Variants in NRXN1 observed in about 807,000 individuals in gnomAD.
The protein encoded by NRXN1 is neurexin 1, also known as neurexin-1.
In NRXN1, 39 loss-of-function variants were observed where a neutral mutation model predicts 150.9. The observed-to-expected ratio is 0.26, with a 90% CI of 0.20 to 0.34. The LOEUF is 0.34. Ranked by LOEUF, NRXN1 falls within the 10% of genes least tolerant of loss-of-function variation. The probability of loss-of-function intolerance (pLI) is 1.00; values close to 1 mark genes in which losing one functional copy is unlikely to be tolerated. For synonymous variants in NRXN1, 924 were observed against 757.0 expected (o/e 1.22, Z -3.62); for missense variants, 1,815 against 1,949.9 (o/e 0.93, Z 1.30).
intron 5 of NRXN1, among the ~76,000 whole-genome samples, chr2:50,799,171 G>A (rs1421619768): frequency 1.3e-5 from 2 of 152,066 alleles, no homozygotes; most frequent in African/African-American, 4.8e-5. Context: ...TATATGCCGT[G>A]GGATGATACT....
chr2:50,453,229 G>T (rs1209399760), intron 17 of NRXN1, among the ~76,000 whole-genome samples: 1 of 141,626 alleles, frequency 7.1e-6, no homozygotes, highest in Non-Finnish European at 1.6e-5. Context: ...TCATATGGAG[G>T]CTCCTAAAAC....
intron 17 of NRXN1, among the ~76,000 whole-genome samples, chr2:50,318,485 C>A (rs901108043): frequency 4.6e-5 from 7 of 152,030 alleles, no homozygotes; most frequent in African/African-American, 1.7e-4. Context: ...TCACATGAAA[C>A]AGGGTTCAAG....
intron 2 of NRXN1, among the ~76,000 whole-genome samples, chr2:50,979,695 T>G (rs1696482264): frequency 6.6e-6 from 1 of 152,200 alleles, no homozygotes; most frequent in Non-Finnish European, 1.5e-5. Flanking sequence ...TAAAACCCCA[T>G]GGATTCTCAC....
intron 2 of NRXN1, among the ~76,000 whole-genome samples, chr2:50,992,396 T>A (rs894078634): frequency 6.6e-6 from 1 of 151,954 alleles, no homozygotes; most frequent in African/African-American, 2.4e-5. Flanking sequence ...TTTATTAAAT[T>A]ATGCAAGATA....
At chr2:49,960,156 G>A (rs959059075) in intron 21 of NRXN1, among the ~76,000 whole-genome samples, 1 of 152,138 alleles carries the variant, frequency 6.6e-6, no homozygotes, top group Non-Finnish European at 1.5e-5. Context: ...CATGGCAATG[G>A]TTTGCAAGAA....
intron 5 of NRXN1, among the ~76,000 whole-genome samples, chr2:50,641,190 A>C (rs1684027045): frequency 6.6e-6 from 1 of 152,116 alleles, no homozygotes; most frequent in African/African-American, 2.4e-5. Context: ...ATTTGGCTCA[A>C]GGTTTTAACC....
chr2:50,381,532 C>T (rs868451577), intron 17 of NRXN1, among the ~76,000 whole-genome samples: 1,428 of 134,072 alleles, frequency 0.011, 16 homozygotes, highest in African/African-American at 0.043. Context: ...AACACACACA[C>T]ACACACACAC....
intron 21 of NRXN1, among the ~76,000 whole-genome samples, chr2:50,014,472 C>G (rs984323195): frequency 1.3e-5 from 2 of 152,036 alleles, no homozygotes; most frequent in Non-Finnish European, 2.9e-5. Context: ...TAGCAGCATC[C>G]TTGACTTCTA....
At chr2:50,729,222 T>G (rs115638097) in intron 5 of NRXN1, among the ~76,000 whole-genome samples, 4 of 152,238 alleles carry the variant, frequency 2.6e-5, no homozygotes, top group African/African-American at 9.6e-5. Context: ...CTCTAAGAAC[T>G]GGATGATCTC....
intron 17 of NRXN1, among the ~76,000 whole-genome samples, chr2:50,365,852 T>C (rs1464512693): frequency 6.6e-6 from 1 of 152,080 alleles, no homozygotes. Flanking sequence ...TAATGTTTTC[T>C]AAATCTGGTG....
At chr2:50,367,520 A>G (rs1194886077) in intron 17 of NRXN1, among the ~76,000 whole-genome samples, 2 of 152,038 alleles carry the variant, frequency 1.3e-5, no homozygotes, top group African/African-American at 2.4e-5. Context: ...ATCTGTACCA[A>G]GCCCTGGACT....
At chr2:50,449,449 C>A (rs984018903) in intron 17 of NRXN1, among the ~76,000 whole-genome samples, 1 of 152,140 alleles carries the variant, frequency 6.6e-6, no homozygotes, top group Non-Finnish European at 1.5e-5. Context: ...TTTTTACATG[C>A]TTCTATTAGA....
At chr2:50,646,291 G>A (rs558039473) in intron 5 of NRXN1, among the ~76,000 whole-genome samples, 1 of 152,122 alleles carries the variant, frequency 6.6e-6, no homozygotes, top group South Asian at 2.1e-4. Flanking sequence ...GCCAGCTGGA[G>A]TCCTTAGAAC....
At chr2:50,409,143 G>A (rs1400662194) in intron 17 of NRXN1, among the ~76,000 whole-genome samples, 2 of 152,018 alleles carry the variant, frequency 1.3e-5, no homozygotes, top group Non-Finnish European at 2.9e-5. Flanking sequence ...GTCCCCAAAT[G>A]CTTAACCCTC....
chr2:50,985,438 T>C (rs1206874720), intron 2 of NRXN1: 1 of 151,766 alleles, frequency 6.6e-6, no homozygotes, highest in Non-Finnish European at 1.5e-5. Context: ...TAGAAGAGTA[T>C]GGAGAGATGG....
intron 15 of NRXN1, among the ~76,000 whole-genome samples, chr2:50,494,194 C>T (rs776267853): frequency 2.0e-5 from 3 of 152,212 alleles, no homozygotes; most frequent in South Asian, 2.1e-4. Flanking sequence ...ATGTGTAGGG[C>T]TGTACATGCC....
intron 17 of NRXN1, among the ~76,000 whole-genome samples, chr2:50,289,067 G>C (rs1265621268): frequency 6.6e-6 from 1 of 152,124 alleles, no homozygotes; most frequent in Non-Finnish European, 1.5e-5. Context: ...AGTATATTGA[G>C]ATAGGGAACG....
intron 17 of NRXN1, among the ~76,000 whole-genome samples, chr2:50,423,389 G>C (rs1289124590): frequency 6.6e-6 from 1 of 152,052 alleles, no homozygotes; most frequent in African/African-American, 2.4e-5. Context: ...CCAGCAATAA[G>C]TGCTGGTTTG....
chr2:50,278,275 T>TA (rs1477669720), intron 17 of NRXN1, among the ~76,000 whole-genome samples: 1 of 87,672 alleles, frequency 1.1e-5, no homozygotes, highest in Non-Finnish European at 2.2e-5. Context: ...TATATATGTA[T>TA]TATATATATA....
Sources: allele counts gnomAD v4.1 joint callset (sites outside exome capture counted in the v4.1 genomes callset), GRCh38; gene constraint gnomAD v4.1.1; transcripts MANE v1.5; gene names NCBI Gene and HGNC (gene_info 2026-07-23, HGNC 2026-07-21).